Variants in GRAMD1C observed in about 807,000 individuals in gnomAD.
GRAMD1C encodes the protein GRAM domain containing 1C, also known as protein Aster-C.
A neutral mutation model predicts 97.8 loss-of-function variants in GRAMD1C; 89 were observed. That is an observed-to-expected ratio of 0.91 (90% CI 0.77 to 1.09). The LOEUF (loss-of-function observed/expected upper bound fraction) is 1.09, where lower values mean the gene tolerates loss of function less well. Among genes scored for constraint, GRAMD1C ranks in the 50% least tolerant of loss-of-function variants. The probability of loss-of-function intolerance (pLI) is 0.00; values close to 1 mark genes in which losing one functional copy is unlikely to be tolerated. For synonymous variants in GRAMD1C, 256 were observed against 267.0 expected (o/e 0.96, Z 0.40); for missense variants, 740 against 766.4 (o/e 0.97, Z 0.41).
chr3:113,931,413 C>T (rs553035411), intron 11 of GRAMD1C, among the ~76,000 whole-genome samples: 1 of 150,448 alleles, frequency 6.6e-6, no homozygotes, highest in African/African-American at 2.4e-5. Context: ...GGCTGGAGTG[C>T]AGTGGCATAA....
upstream of GRAMD1C, among the ~76,000 whole-genome samples, chr3:113,837,972 T>G (rs929093519): frequency 6.6e-6 from 1 of 152,196 alleles, no homozygotes; most frequent in African/African-American, 2.4e-5. Context: ...GATAAGGGGT[T>G]GTGGATACCA....
chr3:113,928,287 AG>A (rs1368959397), intron 10 of GRAMD1C, among the ~76,000 whole-genome samples: 2 of 149,864 alleles, frequency 1.3e-5, no homozygotes, highest in African/African-American at 5.1e-5. Context: ...ACACACGAGC[AG>A]CTTCTAATTC....
chr3:113,884,186 C>G (rs1374068869), intron 6 of GRAMD1C, among the ~76,000 whole-genome samples: 1 of 152,022 alleles, frequency 6.6e-6, no homozygotes, highest in South Asian at 2.1e-4. Flanking sequence ...GAAACATTCT[C>G]CAGAATAGAC....
At chr3:113,855,877 AT>A (rs376180720) in intron 2 of GRAMD1C, among the ~76,000 whole-genome samples, 6 of 152,020 alleles carry the variant, frequency 3.9e-5, no homozygotes, top group South Asian at 2.1e-4. Context: ...CCCCTCTTAT[AT>A]AGAATTAACA....
At chr3:113,850,182 A>C (rs2107330463) in intron 2 of GRAMD1C, 7 of 449,594 alleles carry the variant, frequency 1.6e-5, no homozygotes, top group South Asian at 1.2e-4. Flanking sequence ...GTATATACTT[A>C]CTTTTTTTTT....
At position 113,915,708 on chromosome 3, in the gene GRAMD1C, T is replaced by C. The variant is rs968934080; in HGVS notation, c.960T>C (p.Val320=). ...GTGTTTCTGTTTTTCCAGAAAATGTTCCTGAGAAAGATCTTCATGGAAGAC... is the reference window on the plus strand; with the variant it reads ...GTGTTTCTGTTTTTCCAGAAAATGTCCCTGAGAAAGATCTTCATGGAAGAC... The part of the protein sequence containing the change: ...STSDSVDEEN[V]PEKDLHGRLF... The change falls in exon 10 of 18, where the codon GTT becomes GTC. Residue 320 remains valine, a synonymous_variant. Transcript: ENST00000358160. The C allele has an allele frequency of 6.2e-7, 1 of 1,607,372 alleles. No individual in the cohort carries two copies. Among genetic ancestry groups the C allele is most frequent in the Non-Finnish European group, 8.5e-7 (1 of 1,176,738 alleles).
rs763506760 is a variant in GRAMD1C, at chr3:113,876,199, C to T, written c.398C>T (p.Thr133Ile). The change falls in exon 5 of 18, where the codon ACC becomes ATC. Residue 133 changes from threonine to isoleucine, a missense_variant. By Grantham distance (89) the Thr-to-Ile change is moderately conservative. Coordinates refer to ENST00000358160, the MANE Select transcript of GRAMD1C (RefSeq NM_017577.5). ...GCTTTAAAGAATATAACCTTCATGA[C>T]CAAGGAAAAAACTGCTCGACTCATC... ...SIALKNITFM[T>I]KEKTARLIPN... The T allele has an allele frequency of 1.3e-6, 2 of 1,598,210 alleles. No homozygotes were observed. Among genetic ancestry groups the T allele is most frequent in the Non-Finnish European group, 1.7e-6 (2 of 1,166,862 alleles).
At chr3:113,872,961 T>C (rs1397610936) in intron 3 of GRAMD1C, among the ~76,000 whole-genome samples, 1 of 149,706 alleles carries the variant, frequency 6.7e-6, no homozygotes, top group African/African-American at 2.5e-5. Context: ...GGCCAGCGCC[T>C]ATAGTCCCAG....
In GRAMD1C at chr3:113,847,570, A is replaced by G. The variant is rs1036586977; in HGVS notation, c.174+2921A>G. Among the ~76,000 whole-genome samples the G allele has an allele frequency of 5.3e-5, 8 of 152,250 alleles. 1 individual carries two copies. The East Asian group carries it at 1.2e-3, about 22-fold the overall frequency. Reference sequence around the variant, plus strand: ...ATTTTTTCTCTGCCATTTAAAATCCATCAACATCTACCACAACTCTAGCAT... The same window carrying G: ...ATTTTTTCTCTGCCATTTAAAATCCGTCAACATCTACCACAACTCTAGCAT... On this transcript the variant is annotated intron_variant, in intron 2 of 17. Coordinates refer to ENST00000358160, the MANE Select transcript of GRAMD1C (RefSeq NM_017577.5).
At chr3:113,867,929 C>T (rs4682506) in intron 2 of GRAMD1C, among the ~76,000 whole-genome samples, 76,417 of 151,868 alleles carry the variant, frequency 0.5, 19,798 homozygotes, top group Middle Eastern at 0.67. Flanking sequence ...TTTGGTTTCT[C>T]TGATGTTGTC....
intron 8 of GRAMD1C, among the ~76,000 whole-genome samples, chr3:113,905,044 T>A (rs1325733645): frequency 6.6e-6 from 1 of 152,158 alleles, no homozygotes. Flanking sequence ...TCATGTTGGC[T>A]AGGCTGGTCT....
intron 17 of GRAMD1C, among the ~76,000 whole-genome samples, chr3:113,943,698 G>T (rs1577233450): frequency 6.6e-6 from 1 of 152,188 alleles, no homozygotes; most frequent in African/African-American, 2.4e-5. Flanking sequence ...CAGATTGCCT[G>T]AGCTCAGAAG....
chr3:113,846,985 A>T (rs2107322009), intron 2 of GRAMD1C, among the ~76,000 whole-genome samples: 1 of 152,332 alleles, frequency 6.6e-6, no homozygotes, highest in African/African-American at 2.4e-5. Context: ...GACCCCATAT[A>T]GCTAAATCAG....
At chr3:113,895,933 A>G (rs1935924198) in intron 6 of GRAMD1C, among the ~76,000 whole-genome samples, 1 of 152,186 alleles carries the variant, frequency 6.6e-6, no homozygotes, top group African/African-American at 2.4e-5. Context: ...GTTGATGTCA[A>G]ATAGTAGTGT....
At chr3:113,874,496 C>A (rs952876217) in intron 3 of GRAMD1C, among the ~76,000 whole-genome samples, 4 of 151,966 alleles carry the variant, frequency 2.6e-5, no homozygotes, top group African/African-American at 9.7e-5. Context: ...TTACAGGTGC[C>A]CACTACCATT....
chr3:113,934,399 T>C (rs1937537985), intron 12 of GRAMD1C, 33 bp from the exon 13 acceptor site: 1 of 978,534 alleles, frequency 1.0e-6, no homozygotes. Flanking sequence ...GTCTGCTCTT[T>C]AAATAAATAT....
intron 2 of GRAMD1C, among the ~76,000 whole-genome samples, chr3:113,849,947 ACGGGGCGGCTGACCGGG>A (rs1337085075): frequency 1.8e-4 from 22 of 120,618 alleles, no homozygotes; most frequent in African/African-American, 7.4e-4. Flanking sequence ...TCCCTCCCGG[ACGGGGCGGCTGACCGGG>A]CGGGGGGCTG....
intron 1 of GRAMD1C, chr3:113,828,346 C>A (rs1482564530): frequency 6.6e-6 from 1 of 152,216 alleles, no homozygotes; most frequent in Admixed American, 6.5e-5. Context: ...TGGATATCCA[C>A]TTGATTAAGG....
At chr3:113,922,170 CAA>C (rs1937083593) in intron 10 of GRAMD1C, among the ~76,000 whole-genome samples, 1 of 152,016 alleles carries the variant, frequency 6.6e-6, no homozygotes, top group African/African-American at 2.4e-5. Context: ...CTCCTGGACT[CAA>C]ACAATTCTCC....
Sources: allele counts gnomAD v4.1 joint callset (sites outside exome capture counted in the v4.1 genomes callset), GRCh38; gene constraint gnomAD v4.1.1; transcripts MANE v1.5; gene names NCBI Gene and HGNC (gene_info 2026-07-23, HGNC 2026-07-21).